Variants in SEC24B observed in about 807,000 individuals in gnomAD.
SEC24B encodes the protein protein transport protein Sec24B.
A neutral mutation model predicts 142.8 loss-of-function variants in SEC24B; 45 were observed. The ratio of observed to expected loss-of-function variants is 0.32; its 90% CI spans 0.25 to 0.40. The LOEUF (loss-of-function observed/expected upper bound fraction) is 0.40. Ranked by LOEUF, SEC24B falls within the 10% of genes least tolerant of loss-of-function variation. The pLI, the probability that SEC24B is intolerant of heterozygous loss-of-function variation, is 1.00. For missense variants in SEC24B, 1,409 were observed against 1,526.8 expected (o/e 0.92, Z 1.29); for synonymous variants, 574 against 568.2 (o/e 1.01, Z -0.15).
Position 109,526,364 on chromosome 4 carries a change from G to A in SEC24B, c.2930G>A (p.Cys977Tyr), listed in dbSNP as rs1724228464. The part of the protein sequence containing the change: ...EESLTDTSLV[C>Y]FQTALLYTSS... ...AGTTTAACAGATACTTCCTTAGTAT[G>A]TTTTCAAACAGCCCTATTATATACA... Residue 977 changes from cysteine to tyrosine, a missense_variant, in exon 17 of 24, where the codon TGT (cysteine) becomes TAT (tyrosine). Cys to Tyr is a radical substitution (Grantham distance 194). Around this residue, in one of 2 missense-constraint regions of SEC24B, gnomAD observed 700 missense variants for 853.3 expected, o/e 0.82. Transcript: ENST00000265175. 6.2e-7 allele frequency: 1 copy of A among 1,613,582 alleles called. No homozygotes were observed. Among genetic ancestry groups the A allele is most frequent in the Non-Finnish European group, 8.5e-7 (1 of 1,179,706 alleles).
At chr4:109,473,554 TA>T (rs1187210312) in intron 3 of SEC24B, among the ~76,000 whole-genome samples, 1 of 152,226 alleles carries the variant, frequency 6.6e-6, no homozygotes, top group Non-Finnish European at 1.5e-5. Flanking sequence ...CTCCATATCC[TA>T]TTTGATTATT....
At chr4:109,500,137 G>A (rs1735959698) in intron 6 of SEC24B, among the ~76,000 whole-genome samples, 1 of 152,222 alleles carries the variant, frequency 6.6e-6, no homozygotes, top group Non-Finnish European at 1.5e-5. Context: ...GAATAAGGCT[G>A]TAAAAGGAAG....
chr4:109,463,962 AT>A (rs1366403295), intron 2 of SEC24B, among the ~76,000 whole-genome samples: 2 of 152,162 alleles, frequency 1.3e-5, no homozygotes, highest in Non-Finnish European at 2.9e-5. Context: ...TGTTTTGAGG[AT>A]ATGTTGGCCA....
At chr4:109,446,473 C>T (rs1729473064) in intron 1 of SEC24B, among the ~76,000 whole-genome samples, 1 of 152,204 alleles carries the variant, frequency 6.6e-6, no homozygotes, top group African/African-American at 2.4e-5. Context: ...CCTCTGACCT[C>T]CAGAACTCTA....
At chr4:109,438,023 TAGA>T (rs1728576570) in intron 1 of SEC24B, among the ~76,000 whole-genome samples, 1 of 152,102 alleles carries the variant, frequency 6.6e-6, no homozygotes, top group Non-Finnish European at 1.5e-5. Flanking sequence ...AAAATAGAAG[TAGA>T]AGTTCAGTTG....
chr4:109,475,140 CTAAGA>C (rs1186564267), intron 3 of SEC24B, among the ~76,000 whole-genome samples: 1 of 152,110 alleles, frequency 6.6e-6, no homozygotes, highest in African/African-American at 2.4e-5. Flanking sequence ...CTTGGTTTAC[CTAAGA>C]TAAGTTTCTT....
chr4:109,437,330 G>C (rs1728497847), intron 1 of SEC24B, among the ~76,000 whole-genome samples: 1 of 152,148 alleles, frequency 6.6e-6, no homozygotes, highest in Non-Finnish European at 1.5e-5. Context: ...TGCCACCCAG[G>C]CTGGAGTCAG....
chr4:109,436,868 C>T lies in SEC24B; in HGVS notation c.133+2866C>T, dbSNP rs148091775. Reference sequence around the variant, plus strand: ...GAGGGTGGCGGCACCTGCCCCCATCCTTTGCCCTGTACATCTCTTTCATTT... The same window carrying T: ...GAGGGTGGCGGCACCTGCCCCCATCTTTTGCCCTGTACATCTCTTTCATTT... On this transcript the variant is annotated intron_variant, in intron 1 of 23. Coordinates refer to ENST00000265175, the MANE Select transcript of SEC24B (RefSeq NM_006323.5). Among the ~76,000 whole-genome samples the T allele has an allele frequency of 7.9e-5, 12 of 152,334 alleles. No individual in the cohort carries two copies. In the East Asian group the frequency reaches 2.3e-3, roughly 29 times the overall value.
chr4:109,479,449 A>G (rs1733504849), intron 3 of SEC24B, among the ~76,000 whole-genome samples: 1 of 152,182 alleles, frequency 6.6e-6, no homozygotes, highest in Non-Finnish European at 1.5e-5. Context: ...GCTCTTAAAG[A>G]GAATCTGAAT....
At chr4:109,504,705 C>T (rs574997324) in intron 6 of SEC24B, among the ~76,000 whole-genome samples, 1 of 152,226 alleles carries the variant, frequency 6.6e-6, no homozygotes, top group South Asian at 2.1e-4. Context: ...CAATGACAGC[C>T]TGATCCTTTA....
chr4:109,475,962 A>G (rs1385870642), intron 3 of SEC24B, among the ~76,000 whole-genome samples: 6 of 150,954 alleles, frequency 4.0e-5, no homozygotes, highest in Non-Finnish European at 5.9e-5. Context: ...GAATGAAGCC[A>G]TCAATCATTA....
intron 1 of SEC24B, chr4:109,449,523 C>T (rs111835734): frequency 6.1e-5 from 28 of 455,602 alleles, no homozygotes; most frequent in African/African-American, 8.0e-5. Flanking sequence ...TGTGCCACTA[C>T]GCCCAGACAT....
chr4:109,455,912 C>CA (rs1013107488), intron 1 of SEC24B, among the ~76,000 whole-genome samples: 4 of 151,714 alleles, frequency 2.6e-5, no homozygotes, highest in Admixed American at 1.3e-4. Context: ...TTGATATCTA[C>CA]AAAAAAAACC....
chr4:109,444,214 C>CAAAA (rs539104834), intron 1 of SEC24B, among the ~76,000 whole-genome samples: 1 of 80,176 alleles, frequency 1.2e-5, no homozygotes, highest in Non-Finnish European at 2.8e-5. Context: ...AACTCCATCT[C>CAAAA]AAAAAAAAAA....
At chr4:109,471,168 G>T (rs544295791) in intron 2 of SEC24B, among the ~76,000 whole-genome samples, 54 of 152,054 alleles carry the variant, frequency 3.6e-4, no homozygotes, top group African/African-American at 1.3e-3. Flanking sequence ...TTTGAGACAG[G>T]GTCTCCCGCT....
At chr4:109,532,897 C>T (rs1025506835) in intron 21 of SEC24B, among the ~76,000 whole-genome samples, 154 bp downstream of exon 21, 5 of 152,146 alleles carry the variant, frequency 3.3e-5, no homozygotes, top group African/African-American at 1.2e-4. Flanking sequence ...GGTCAATTTA[C>T]TTTAAACTTT....
chr4:109,471,078 T>C (rs1732471663), intron 2 of SEC24B, among the ~76,000 whole-genome samples: 1 of 145,150 alleles, frequency 6.9e-6, no homozygotes. Flanking sequence ...TGCATATATA[T>C]GTATATATAC....
chr4:109,485,588 G>A (rs1251814414), intron 4 of SEC24B, among the ~76,000 whole-genome samples: 1 of 151,944 alleles, frequency 6.6e-6, no homozygotes, highest in African/African-American at 2.4e-5. Context: ...TCTATTAATG[G>A]TTTTTTAAAA....
intron 11 of SEC24B, among the ~76,000 whole-genome samples, chr4:109,519,567 A>G (rs1245843381): frequency 6.6e-6 from 1 of 152,200 alleles, no homozygotes; most frequent in Non-Finnish European, 1.5e-5. Context: ...TCTAGCCAGT[A>G]ACAAATGACC....
Sources: allele counts gnomAD v4.1 joint callset (sites outside exome capture counted in the v4.1 genomes callset), GRCh38; gene constraint gnomAD v4.1.1; regional missense constraint gnomAD v4.1.1; transcripts MANE v1.5; gene names NCBI Gene and HGNC (gene_info 2026-07-23, HGNC 2026-07-21).